The following DNAH2 variants were observed in gnomAD, a reference collection of about 807,000 sequenced individuals.
DNAH2 encodes dynein axonemal heavy chain 2, also known as axonemal beta dynein heavy chain 2.
In DNAH2, 323 loss-of-function variants were observed where a neutral mutation model predicts 523.5. The observed-to-expected ratio is 0.62, with a 90% CI of 0.56 to 0.68. The LOEUF (loss-of-function observed/expected upper bound fraction) is 0.68, where lower values mean the gene tolerates loss of function less well. DNAH2 is among the 30% of genes least tolerant of loss of function. DNAH2 has a pLI of 0.00. For synonymous variants in DNAH2, 2,093 were observed against 2,177.4 expected (o/e 0.96, Z 1.08); for missense variants, 4,907 against 5,701.5 (o/e 0.86, Z 4.49).
At chr17:7,738,013 G>C (rs1408138558) in intron 8 of DNAH2, 3 of 703,250 alleles carry the variant, frequency 4.3e-6, no homozygotes, top group Middle Eastern at 2.3e-4. Context: ...CCCTGGACCG[G>C]ATCTTTGAGG....
intron 56 of DNAH2, 78 bp from the exon 57 acceptor site, chr17:7,801,500 T>G: frequency 6.3e-7 from 1 of 1,589,304 alleles, no homozygotes. Flanking sequence ...AGAAAGTGAG[T>G]GGATGCGTGT....
At chr17:7,800,181 G>A (rs1465009309) in intron 56 of DNAH2, among the ~76,000 whole-genome samples, 1 of 152,148 alleles carries the variant, frequency 6.6e-6, no homozygotes, top group Non-Finnish European at 1.5e-5. Flanking sequence ...CCTCCCAGTA[G>A]CTAGGATTAC....
At chr17:7,719,535 A>G (rs2074532268) in intron 1 of DNAH2, among the ~76,000 whole-genome samples, 186 bp from the exon 2 acceptor site, 1 of 152,196 alleles carries the variant, frequency 6.6e-6, no homozygotes, top group Non-Finnish European at 1.5e-5. Flanking sequence ...AAAAACAGCA[A>G]GGCCTCCCAG....
In DNAH2 at chr17:7,810,982, A is replaced by C. The variant is rs921169198; in HGVS notation, c.9729+3396A>C. Reference sequence around the variant, plus strand: ...CAAGGGTTACAAACCAGTGGCGTAGATAGGGCCCCAGAAGGCTCTGAAATG... The same window carrying C: ...CAAGGGTTACAAACCAGTGGCGTAGCTAGGGCCCCAGAAGGCTCTGAAATG... On this transcript the variant is annotated intron_variant, in intron 63 of 85. Coordinates refer to ENST00000572933, the MANE Select transcript of DNAH2 (RefSeq NM_020877.5). 2.6e-5 allele frequency among the ~76,000 whole-genome samples: 4 copies of C among 152,218 alleles called. No homozygotes were observed. The South Asian group carries it at 8.3e-4, about 31-fold the overall frequency.
chr17:7,816,851 C>G (rs2077683712), intron 64 of DNAH2, 116 bp downstream of exon 64: 1 of 1,328,056 alleles, frequency 7.5e-7, no homozygotes, highest in Non-Finnish European at 1.0e-6. Context: ...GTATAGGGAA[C>G]TCTAAGAACT....
In DNAH2 at chr17:7,758,908, C is replaced by A; in HGVS notation, c.2232C>A (p.Phe744Leu). The change falls in exon 15 of 86, where the codon TTC (phenylalanine) becomes TTA (leucine). Residue 744 changes from phenylalanine to leucine, a missense_variant. Around this residue, in one of 3 missense-constraint regions of DNAH2, gnomAD observed 2,806 missense variants for 3,190.8 expected, o/e 0.88. Transcript: ENST00000572933. ...ASKVQMIVNE[F>L]KASTLTIGWR... ...AGGTGCAGATGATTGTGAATGAGTTCAAGGCATCCACTCTGACCATTGGCT... is the reference window on the plus strand; with the variant it reads ...AGGTGCAGATGATTGTGAATGAGTTAAAGGCATCCACTCTGACCATTGGCT... The A allele has an allele frequency of 1.2e-6, 2 of 1,614,094 alleles. No homozygotes were observed. The highest frequency in any genetic ancestry group is 1.1e-5 in the South Asian group (1 of 91,082).
At position 7,754,633 on chromosome 17, in the gene DNAH2, C is replaced by T; in HGVS notation, c.1905-2458C>T. 6.8e-7 allele frequency: 1 copy of T among 1,460,246 alleles called. No individual in the cohort carries two copies. Among genetic ancestry groups the T allele is most frequent in the Admixed American group, 1.7e-5 (1 of 59,610 alleles). The allele number at this position is 1,460,246 out of a possible 1,614,324, so 90.5% of individuals were successfully genotyped here. A position where few individuals can be genotyped will look rare whatever the true frequency, so the allele number is the denominator to read the frequency against. On this transcript the variant is annotated intron_variant, in intron 12 of 85. Coordinates refer to ENST00000572933, the MANE Select transcript of DNAH2 (RefSeq NM_020877.5). The surrounding 1 kb of genome is among the most constrained non-coding windows in gnomAD (Gnocchi z 4.6). ...CTCGTAAAGCCCAAGGAGGTTAAGCCCAAGATCCCAAAGGGTGTCAGCCAT... is the reference window on the plus strand; with the variant it reads ...CTCGTAAAGCCCAAGGAGGTTAAGCTCAAGATCCCAAAGGGTGTCAGCCAT...
chr17:7,771,226 C>G, intron 27 of DNAH2, 104 bp from the exon 28 acceptor site: 1 of 1,523,508 alleles, frequency 6.6e-7, no homozygotes, highest in Non-Finnish European at 9.0e-7. Flanking sequence ...ACTTCTAGCA[C>G]TCTGTATCTT....
intron 12 of DNAH2, among the ~76,000 whole-genome samples, chr17:7,747,614 C>T (rs1022022415): frequency 6.6e-6 from 1 of 152,162 alleles, no homozygotes; most frequent in Non-Finnish European, 1.5e-5. Context: ...GGAATACCTT[C>T]TGCATAATCT....
In DNAH2 at chr17:7,782,177, A is replaced by C. The variant is rs117801801; in HGVS notation, c.6129+1010A>C. Among the ~76,000 whole-genome samples, 916 of 152,294 alleles carry C rather than the reference A, an allele frequency of 6.0e-3. 8 individuals carry two copies. The highest frequency in any genetic ancestry group is 0.037 in the Middle Eastern group (11 of 294). ...GAGATGAAACAACCCAAGTCTGAAGATATAACAGAAGATGCAGTGCTGCAT... is the reference window on the plus strand; with the variant it reads ...GAGATGAAACAACCCAAGTCTGAAGCTATAACAGAAGATGCAGTGCTGCAT... On this transcript the variant is annotated intron_variant, in intron 39 of 85. Transcript: ENST00000572933.
chr17:7,732,259 AC>A (rs1409303567), intron 4 of DNAH2, among the ~76,000 whole-genome samples: 1 of 151,434 alleles, frequency 6.6e-6, no homozygotes, highest in Non-Finnish European at 1.5e-5. Context: ...ACCTGGTGAA[AC>A]CCCGTCTCTA....
chr17:7,722,148 G>A (rs2074629849), intron 2 of DNAH2, among the ~76,000 whole-genome samples: 2 of 145,992 alleles, frequency 1.4e-5, no homozygotes, highest in African/African-American at 2.5e-5. Flanking sequence ...ACAGGCACCC[G>A]CCACCATGCC....
At position 7,831,721 on chromosome 17, in the gene DNAH2, G is replaced by C; in HGVS notation, c.12672G>C (p.Leu4224=). The change falls in exon 82 of 86, where the codon CTG becomes CTC. Residue 4224 remains leucine (L), a synonymous_variant. Transcript: ENST00000572933. This position sits in a 1 kb window ranked among gnomAD's most constrained non-coding sequence, Gnocchi z 4.2. ...GTCTCATCGTCATGTCTACAAGCCTGGAAGAGATTTTCAATTGCATCTTTG... is the reference window on the plus strand; with the variant it reads ...GTCTCATCGTCATGTCTACAAGCCTCGAAGAGATTTTCAATTGCATCTTTG... ...IQGLIVMSTS[L]EEIFNCIFDA... The C allele has an allele frequency of 1.9e-6, 3 of 1,614,142 alleles. No homozygotes were observed. In the East Asian group the frequency reaches 6.7e-5, roughly 36 times the overall value.
At chr17:7,744,601 T>C (rs906504060) in intron 12 of DNAH2, among the ~76,000 whole-genome samples, 5 of 152,092 alleles carry the variant, frequency 3.3e-5, no homozygotes, top group Admixed American at 2.0e-4. Flanking sequence ...AGTGTGCACA[T>C]GGCTAGGTCG....
At chr17:7,721,470 A>C (rs1259630429) in intron 2 of DNAH2, among the ~76,000 whole-genome samples, 1 of 151,960 alleles carries the variant, frequency 6.6e-6, no homozygotes, top group Non-Finnish European at 1.5e-5. Context: ...CACCGCACCC[A>C]GTCTCCCCTG....
chr17:7,788,030 C>A (rs980863995), intron 43 of DNAH2, 33 bp downstream of exon 43: 1 of 1,613,250 alleles, frequency 6.2e-7, no homozygotes, highest in African/African-American at 1.3e-5. Flanking sequence ...GGAAAGTAAC[C>A]AGGGTGGCTC....
At chr17:7,738,931 T>G (rs1259901532) in intron 8 of DNAH2, 3 of 701,950 alleles carry the variant, frequency 4.3e-6, no homozygotes. Context: ...ACACAGGTTC[T>G]CCAGTCGGGG....
At chr17:7,772,742 C>T (rs1176575530) in intron 28 of DNAH2, among the ~76,000 whole-genome samples, 5 of 144,462 alleles carry the variant, frequency 3.5e-5, no homozygotes. Flanking sequence ...AATTACTACT[C>T]ACATTGGTTT....
At chr17:7,757,914 AG>A (rs1240751349) in intron 13 of DNAH2, among the ~76,000 whole-genome samples, 2 of 152,152 alleles carry the variant, frequency 1.3e-5, no homozygotes, top group Non-Finnish European at 2.9e-5. Flanking sequence ...TCCATTCATG[AG>A]GGCTCCACCT....
Sources: allele counts gnomAD v4.1 joint callset (sites outside exome capture counted in the v4.1 genomes callset), GRCh38; gene constraint gnomAD v4.1.1; regional missense constraint gnomAD v4.1.1; non-coding constraint Gnocchi (gnomAD v3.1); transcripts MANE v1.5; gene names NCBI Gene and HGNC (gene_info 2026-07-23, HGNC 2026-07-21).